Variants in USP37 observed in about 807,000 individuals in gnomAD.
The protein encoded by USP37 is ubiquitin specific peptidase 37.
USP37 carries 27 observed loss-of-function variants against 124.0 expected under a neutral mutation model. The ratio of observed to expected loss-of-function variants is 0.22; its 90% confidence interval spans 0.16 to 0.30. The LOEUF (loss-of-function observed/expected upper bound fraction) is 0.30, where lower values mean the gene tolerates loss of function less well. Among genes scored for constraint, USP37 ranks in the 10% least tolerant of loss-of-function variants. The pLI, the probability that USP37 is intolerant of heterozygous loss-of-function variation, is 1.00. For synonymous variants in USP37, 365 were observed against 388.0 expected (o/e 0.94, Z 0.70); for missense variants, 889 against 1,140.4 (o/e 0.78, Z 3.17).
At chr2:218,549,132 T>C (rs1692527265) in intron 6 of USP37, among the ~76,000 whole-genome samples, 1 of 152,218 alleles carries the variant, frequency 6.6e-6, no homozygotes, top group Non-Finnish European at 1.5e-5. Context: ...TTCACTATGT[T>C]GATTATGATG....
intron 10 of USP37, among the ~76,000 whole-genome samples, chr2:218,520,585 C>T (rs1271613297): frequency 6.6e-6 from 1 of 151,226 alleles, no homozygotes; most frequent in Admixed American, 6.6e-5. Flanking sequence ...CTCCCGACCT[C>T]GGGTGATCGG....
intron 8 of USP37, among the ~76,000 whole-genome samples, chr2:218,544,406 A>AAAAT (rs1312705279): frequency 1.4e-4 from 12 of 82,976 alleles, no homozygotes; most frequent in East Asian, 4.1e-4. Context: ...AAAAAAAAAA[A>AAAAT]ATATATATAT....
At position 218,454,853 on chromosome 2, in the gene USP37, TC is replaced by T; in HGVS notation, c.*76del. On this transcript the variant is annotated 3_prime_UTR_variant, in exon 26 of 26. Transcript: ENST00000258399. ...CCGCATCAAGTAGAATTCCAAATTC[TC>T]CTTCAGCAGAGGAAAGGTGAGGTGG... is the stretch of plus-strand genomic sequence containing the variant. 6.4e-7 allele frequency: 1 copy of T among 1,568,652 alleles called. No individual in the cohort carries two copies. The highest frequency in any genetic ancestry group is 8.6e-7 in the Non-Finnish European group (1 of 1,161,016).
At chr2:218,558,209 A>G (rs3901122) in intron 4 of USP37, among the ~76,000 whole-genome samples, 7,357 of 152,170 alleles carry the variant, frequency 0.048, 505 homozygotes, top group African/African-American at 0.16. Context: ...AATTATCTTA[A>G]AGTGGTTTTA....
chr2:218,533,031 G>A (rs57210860), intron 9 of USP37, among the ~76,000 whole-genome samples: 2,875 of 151,916 alleles, frequency 0.019, 95 homozygotes, highest in African/African-American at 0.065. Context: ...ATTGCACTGG[G>A]AAACCAAAAA....
intron 14 of USP37, among the ~76,000 whole-genome samples, chr2:218,491,756 T>C (rs1688792070): frequency 6.6e-6 from 1 of 152,144 alleles, no homozygotes; most frequent in Non-Finnish European, 1.5e-5. Context: ...TACAGTATGT[T>C]AGATAGTGAT....
rs147208800 is a variant in USP37 at position 218,506,996 on chromosome 2, T to A, written c.1025+2983A>T. On this transcript the variant is annotated intron_variant, in intron 11 of 25. Transcript: ENST00000258399. ...GTATTTTTAGTAGAGACAGGGTTCA[T>A]CATGTTGGCCAGGTTGGTTTTGAAC... 2.8e-4 allele frequency among the ~76,000 whole-genome samples: 42 copies of A among 151,772 alleles called. 1 individual carries two copies. The East Asian group carries it at 7.4e-3, about 27-fold the overall frequency.
At chr2:218,482,011 A>G (rs989452002) in intron 17 of USP37, 59 bp downstream of exon 17, 40 of 1,502,734 alleles carry the variant, frequency 2.7e-5, no homozygotes, top group Admixed American at 6.2e-5. Context: ...TTTTGATTAG[A>G]TACTAAAGCC....
At chr2:218,533,053 C>CT (rs1351358865) in intron 9 of USP37, among the ~76,000 whole-genome samples, 1 of 151,750 alleles carries the variant, frequency 6.6e-6, no homozygotes, top group African/African-American at 2.4e-5. Flanking sequence ...TTCATTCTTG[C>CT]TTTTTTGTGC....
At chr2:218,459,406 T>C (rs1574833172) in intron 23 of USP37, among the ~76,000 whole-genome samples, 2 of 152,050 alleles carry the variant, frequency 1.3e-5, no homozygotes, top group African/African-American at 4.8e-5. Flanking sequence ...GGTTTCACCA[T>C]GTTGGTCAGG....
At chr2:218,473,187 T>C (rs1187056568) in intron 20 of USP37, 2 of 152,214 alleles carry the variant, frequency 1.3e-5, no homozygotes, top group South Asian at 2.1e-4. Context: ...TGCCACATAT[T>C]ACCTCTTCCT....
rs202190835 is a variant in USP37, at chr2:218,498,040, G to A, written c.1143C>T (p.Leu381=). The change falls in exon 12 of 26, where the codon CTC becomes CTT. Residue 381 remains leucine, a synonymous_variant. Transcript: ENST00000258399. ...KQGIPWKKIP[L]NALIRRFAHL... ...ATAATGATTACCTGATAAGTGCATT[G>A]AGTGGAATTTTCTTCCATGGGATAC... 2 of 1,608,928 alleles carry A rather than the reference G, an allele frequency of 1.2e-6. No individual in the cohort carries two copies. Among genetic ancestry groups the A allele is most frequent in the African/African-American group, 1.3e-5 (1 of 74,788 alleles).
chr2:218,488,175 C>CAAAAAAAAAA (rs66581703), intron 15 of USP37, 129 bp downstream of exon 15: 65 of 349,848 alleles, frequency 1.9e-4, no homozygotes, highest in African/African-American at 1.6e-3. Flanking sequence ...GACCCTGTCT[C>CAAAAAAAAAA]AAAAAAAAAA....
chr2:218,530,397 G>A (rs751387946), intron 9 of USP37, among the ~76,000 whole-genome samples: 1 of 152,112 alleles, frequency 6.6e-6, no homozygotes, highest in Non-Finnish European at 1.5e-5. Context: ...TCTGCGATCA[G>A]TGATCTTTGA....
At chr2:218,554,925 A>G (rs1692878109) in intron 4 of USP37, among the ~76,000 whole-genome samples, 1 of 152,182 alleles carries the variant, frequency 6.6e-6, no homozygotes, top group Non-Finnish European at 1.5e-5. Flanking sequence ...TTACCAATAT[A>G]GCACACTTTT....
intron 10 of USP37, among the ~76,000 whole-genome samples, chr2:218,523,666 C>T (rs1690793694): frequency 6.6e-6 from 1 of 152,050 alleles, no homozygotes; most frequent in Admixed American, 6.6e-5. Context: ...TATCCCCCTG[C>T]CTTTGCCCCC....
chr2:218,550,888 A>C (rs1308280330), intron 5 of USP37, among the ~76,000 whole-genome samples: 1 of 152,070 alleles, frequency 6.6e-6, no homozygotes, highest in African/African-American at 2.4e-5. Context: ...CACTCTGGCT[A>C]CTATTTTCTT....
intron 14 of USP37, among the ~76,000 whole-genome samples, chr2:218,489,900 T>C (rs1404832444): frequency 2.6e-5 from 4 of 152,248 alleles, no homozygotes; most frequent in African/African-American, 7.2e-5. Flanking sequence ...TCAGCATGAT[T>C]GTAATATTTA....
chr2:218,557,472 A>C lies in USP37; in HGVS notation c.156+1026T>G, dbSNP rs187765078. Among the ~76,000 whole-genome samples the C allele has an allele frequency of 1.7e-3, 259 of 151,966 alleles. 8 individuals are homozygous for C. Among genetic ancestry groups the C allele is most frequent in the Admixed American group, 0.017 (258 of 15,244 alleles). On this transcript the variant is annotated intron_variant, in intron 4 of 25. Transcript: ENST00000258399. ...CACCACCTCTATCTTATTTAAGACT[A>C]CCTTTGATACACGAAATCATAGGCA...
Sources: allele counts gnomAD v4.1 joint callset (sites outside exome capture counted in the v4.1 genomes callset), GRCh38; gene constraint gnomAD v4.1.1; transcripts MANE v1.5; gene names NCBI Gene and HGNC (gene_info 2026-07-23, HGNC 2026-07-21).